CLPB: variants seen among roughly 807,000 people sequenced by gnomAD.
CLPB encodes the protein mitochondrial disaggregase.
In CLPB, 40 loss-of-function variants were observed where a neutral mutation model predicts 78.4. That is an observed-to-expected ratio of 0.51 (90% CI 0.40 to 0.66). The LOEUF (loss-of-function observed/expected upper bound fraction) is 0.66. Among genes scored for constraint, CLPB ranks in the 30% least tolerant of loss-of-function variants. The pLI, the probability that CLPB is intolerant of heterozygous loss-of-function variation, is 0.00. For synonymous variants in CLPB, 333 were observed against 348.0 expected, an observed-to-expected ratio of 0.96 and a Z score of 0.48; for missense variants, 780 against 886.9, an observed-to-expected ratio of 0.88 and a Z score of 1.53.
intron 7 of CLPB, 54 bp from the exon 8 acceptor site, chr11:72,308,658 G>A: frequency 8.2e-6 from 12 of 1,460,830 alleles, no homozygotes; most frequent in African/African-American, 1.4e-5. Context: ...ATAAATCAAT[G>A]ACACAAAAGG....
chr11:72,337,307 CT>C (rs1246821772), intron 5 of CLPB, among the ~76,000 whole-genome samples: 1 of 152,028 alleles, frequency 6.6e-6, no homozygotes, highest in East Asian at 1.9e-4. Context: ...CCCCCTGCCC[CT>C]GTAATGAAAA....
At chr11:72,380,055 G>A (rs1014493964) in intron 4 of CLPB, among the ~76,000 whole-genome samples, 7 of 152,116 alleles carry the variant, frequency 4.6e-5, no homozygotes, top group African/African-American at 1.7e-4. Context: ...ATGAAATCAG[G>A]CCTCTATTTC....
intron 5 of CLPB, among the ~76,000 whole-genome samples, chr11:72,355,993 C>T (rs748028955): frequency 5.9e-5 from 9 of 152,052 alleles, no homozygotes; most frequent in Admixed American, 1.3e-4. Context: ...CTAAGAAAAC[C>T]GGATGGGGCT....
intron 3 of CLPB, among the ~76,000 whole-genome samples, chr11:72,394,660 C>T (rs1317238927): frequency 6.6e-6 from 1 of 152,192 alleles, no homozygotes; most frequent in Non-Finnish European, 1.5e-5. Flanking sequence ...ATATCATTAC[C>T]ACAAAACAGG....
chr11:72,380,527 A>T, intron 3 of CLPB, 143 bp from the exon 4 acceptor site: 1 of 662,232 alleles, frequency 1.5e-6, no homozygotes, highest in Admixed American at 2.3e-5. Flanking sequence ...GAACTTTGGG[A>T]GTGTAAAAGA....
At chr11:72,330,624 C>G (rs886462955) in intron 5 of CLPB, among the ~76,000 whole-genome samples, 8 of 152,210 alleles carry the variant, frequency 5.3e-5, no homozygotes, top group African/African-American at 1.9e-4. Context: ...TCACTCTCTT[C>G]TTCGAAAACC....
intron 5 of CLPB, among the ~76,000 whole-genome samples, chr11:72,353,890 G>C (rs1006918393): frequency 6.6e-6 from 1 of 152,170 alleles, no homozygotes; most frequent in Non-Finnish European, 1.5e-5. Flanking sequence ...GGTCAGACTA[G>C]AACAACTCTA....
intron 1 of CLPB, 61 bp downstream of exon 1, chr11:72,434,011 G>A: frequency 6.4e-7 from 1 of 1,561,462 alleles, no homozygotes; most frequent in South Asian, 1.2e-5. Context: ...ACCCTCCTAA[G>A]ATACGAAGTT....
At chr11:72,307,363 A>T in intron 8 of CLPB, 109 bp from the exon 9 acceptor site, 1 of 941,360 alleles carries the variant, frequency 1.1e-6, no homozygotes, top group Non-Finnish European at 1.7e-6. Flanking sequence ...TCTATGGATG[A>T]GAATGTTGAG....
intron 5 of CLPB, among the ~76,000 whole-genome samples, chr11:72,347,664 G>A (rs183729725): frequency 2.6e-4 from 39 of 152,188 alleles, no homozygotes; most frequent in African/African-American, 8.7e-4. Flanking sequence ...AAATATCTCC[G>A]AGAGTGTGAT....
intron 4 of CLPB, among the ~76,000 whole-genome samples, chr11:72,377,601 G>A (rs1854749031): frequency 8.4e-6 from 1 of 119,270 alleles, no homozygotes; most frequent in African/African-American, 3.3e-5. Flanking sequence ...TAATCCAGAG[G>A]TTGACCAGGA....
At chr11:72,367,736 C>G in intron 4 of CLPB, among the ~76,000 whole-genome samples, 1 of 151,604 alleles carries the variant, frequency 6.6e-6, no homozygotes, top group Non-Finnish European at 1.5e-5. Flanking sequence ...CAAACCTGCA[C>G]ATGTAGCCCC....
intron 3 of CLPB, among the ~76,000 whole-genome samples, chr11:72,396,633 C>T (rs901004212): frequency 1.3e-5 from 2 of 152,206 alleles, no homozygotes; most frequent in Admixed American, 1.3e-4. Flanking sequence ...GTCCACTGTA[C>T]ACTACTCATA....
intron 4 of CLPB, among the ~76,000 whole-genome samples, chr11:72,371,356 C>G (rs1294759538): frequency 6.6e-6 from 1 of 151,674 alleles, no homozygotes; most frequent in East Asian, 1.9e-4. Flanking sequence ...ATGGTGAAAC[C>G]CTGTCTCTAC....
chr11:72,326,678 G>A (rs897137840), intron 6 of CLPB, among the ~76,000 whole-genome samples: 3 of 152,126 alleles, frequency 2.0e-5, no homozygotes, highest in African/African-American at 7.2e-5. Context: ...TGGGGCCCAG[G>A]CTGGAGCTTC....
chr11:72,311,844 T>C (rs545282029), intron 7 of CLPB, among the ~76,000 whole-genome samples: 2 of 152,364 alleles, frequency 1.3e-5, no homozygotes, highest in East Asian at 3.9e-4. Context: ...GGCAGGCTGC[T>C]CTGCCTCCCA....
chr11:72,361,865 C>T (rs780760992), intron 4 of CLPB, among the ~76,000 whole-genome samples: 19 of 152,200 alleles, frequency 1.2e-4, no homozygotes, highest in Non-Finnish European at 2.9e-5. Context: ...ATGCAAGAAT[C>T]AGACCACTGA....
rs185450237 is a variant in CLPB, at chr11:72,327,777, G to A, written c.873+1930C>T. 2.0e-4 allele frequency among the ~76,000 whole-genome samples: 31 copies of A among 152,276 alleles called. 5 individuals are homozygous for A. Among genetic ancestry groups the A allele is most frequent in the Admixed American group, 1.4e-3 (21 of 15,286 alleles). ...TGAGGGATTTCCTTAAGGCACTTAA[G>A]GAAGTTGACCTGACCTCCTGACCTG... is the stretch of plus-strand genomic sequence containing the variant. On this transcript the variant is annotated intron_variant, in intron 6 of 15. Transcript: ENST00000538039.
At chr11:72,420,071 C>T (rs1005811482) in intron 2 of CLPB, among the ~76,000 whole-genome samples, 4 of 152,176 alleles carry the variant, frequency 2.6e-5, no homozygotes, top group African/African-American at 7.2e-5. Flanking sequence ...TTTAGCCAGG[C>T]GTGGTGGCTC....
Sources: gnomAD v4.1 joint callset for allele counts (sites outside exome capture counted in the v4.1 genomes callset) on GRCh38, gnomAD v4.1.1 for gene constraint, MANE v1.5 for transcripts, NCBI Gene and HGNC (gene_info 2026-07-23, HGNC 2026-07-21) for gene names.